The following ATF7IP variants were observed in gnomAD, a reference collection of about 807,000 sequenced individuals.
ATF7IP encodes activating transcription factor 7 interacting protein.
ATF7IP carries 23 observed loss-of-function variants against 106.4 expected under a neutral mutation model. The observed-to-expected ratio is 0.22, with a 90% CI of 0.16 to 0.31. The LOEUF (loss-of-function observed/expected upper bound fraction) is 0.31, where lower values mean the gene tolerates loss of function less well. Among genes scored for constraint, ATF7IP ranks in the 10% least tolerant of loss-of-function variants. The pLI, the probability that ATF7IP is intolerant of heterozygous loss-of-function variation, is 1.00. For synonymous variants in ATF7IP, 542 were observed against 539.0 expected, an observed-to-expected ratio of 1.01 and a Z score of -0.08; for missense variants, 1,334 against 1,524.3, an observed-to-expected ratio of 0.88 and a Z score of 2.08.
At chr12:14,379,637 A>G (rs1301142270) in intron 1 of ATF7IP, among the ~76,000 whole-genome samples, 1 of 152,176 alleles carries the variant, frequency 6.6e-6, no homozygotes, top group Non-Finnish European at 1.5e-5. Context: ...AAGACAATGC[A>G]TGTTTGAAAA....
chr12:14,490,454 A>G (rs1041298870), intron 13 of ATF7IP, among the ~76,000 whole-genome samples: 1 of 152,130 alleles, frequency 6.6e-6, no homozygotes, highest in African/African-American at 2.4e-5. Flanking sequence ...AATCTATATA[A>G]TCACACATCT....
rs770573335 is a variant in ATF7IP, at chr12:14,460,632, C to A, written c.2296C>A (p.Gln766Lys). 6.8e-6 allele frequency: 11 copies of A among 1,614,060 alleles called. No individual in the cohort carries two copies. Among genetic ancestry groups the A allele is most frequent in the Admixed American group, 3.3e-5 (2 of 60,006 alleles). The change falls in exon 9 of 15, where the codon CAG becomes AAG. Residue 766 changes from glutamine to lysine, a missense_variant. Coordinates refer to ENST00000261168, the MANE Select transcript of ATF7IP (RefSeq NM_018179.5). ...TACAGCTACTGTAGTTGCTACTACT[C>A]AGGTGCCTAGTGGAAATCCCCAGCC... is the stretch of plus-strand genomic sequence containing the variant. Reference protein sequence around the residue: ...PNTATVVATTQVPSGNPQPTI... With the variant: ...PNTATVVATTKVPSGNPQPTI...
At chr12:14,486,154 G>T (rs540795215) in intron 13 of ATF7IP, among the ~76,000 whole-genome samples, 1 of 152,228 alleles carries the variant, frequency 6.6e-6, no homozygotes, top group East Asian at 1.9e-4. Context: ...ATGACCACAG[G>T]ATGAATCCAG....
intron 10 of ATF7IP, among the ~76,000 whole-genome samples, chr12:14,467,844 A>AGAT (rs1943889111): frequency 6.6e-6 from 1 of 152,174 alleles, no homozygotes; most frequent in Admixed American, 6.5e-5. Flanking sequence ...TCTTCAGTCA[A>AGAT]AACCCCATTT....
intron 1 of ATF7IP, among the ~76,000 whole-genome samples, chr12:14,401,953 G>A (rs1055067674): frequency 5.3e-5 from 8 of 150,770 alleles, no homozygotes; most frequent in African/African-American, 1.9e-4. Flanking sequence ...ACCTCGTGAT[G>A]CGCTTGCCTC....
At chr12:14,455,271 C>A (rs149439527) in intron 6 of ATF7IP, among the ~76,000 whole-genome samples, 1 of 149,900 alleles carries the variant, frequency 6.7e-6, no homozygotes, top group African/African-American at 2.4e-5. Context: ...TTTTTGCATT[C>A]GCCTTACACA....
intron 5 of ATF7IP, among the ~76,000 whole-genome samples, chr12:14,440,386 G>A (rs1229767470): frequency 2.0e-5 from 3 of 151,954 alleles, no homozygotes; most frequent in East Asian, 3.9e-4. Context: ...ATTGTGTACC[G>A]GTAAAACCAG....
intron 8 of ATF7IP, among the ~76,000 whole-genome samples, chr12:14,459,494 G>A (rs1943558997): frequency 6.6e-6 from 1 of 152,160 alleles, no homozygotes; most frequent in African/African-American, 2.4e-5. Context: ...GCGATGTTTG[G>A]TCCCATTATA....
intron 7 of ATF7IP, among the ~76,000 whole-genome samples, 174 bp downstream of exon 7, chr12:14,456,808 A>G (rs1225740248): frequency 1.3e-5 from 2 of 152,186 alleles, no homozygotes; most frequent in Non-Finnish European, 2.9e-5. Flanking sequence ...TGTGAATAAT[A>G]CTTTTGCTAA....
At chr12:14,388,072 G>C (rs1939340369) in intron 1 of ATF7IP, among the ~76,000 whole-genome samples, 1 of 144,012 alleles carries the variant, frequency 6.9e-6, no homozygotes, top group Admixed American at 7.1e-5. Context: ...GGAGTGCGAT[G>C]ATGCTTCCTC....
chr12:14,370,015 G>A (rs986514991), intron 1 of ATF7IP, among the ~76,000 whole-genome samples: 6 of 150,828 alleles, frequency 4.0e-5, no homozygotes, highest in South Asian at 4.2e-4. Context: ...TCAGCTCACC[G>A]CAACCTCCGC....
rs1565517573 is a variant in ATF7IP, at chr12:14,444,704, A to T, written c.1930-2284A>T. On this transcript the variant is annotated intron_variant, in intron 5 of 14. Coordinates refer to ENST00000261168, the MANE Select transcript of ATF7IP (RefSeq NM_018179.5). ...ATCAGAAAACTATAAATCAGTGTCC[A>T]CATTTTGAGTTTGTTTTTCTGCTAC... is the stretch of plus-strand genomic sequence containing the variant. Among the ~76,000 whole-genome samples the T allele has an allele frequency of 3.9e-5, 6 of 152,254 alleles. No individual in the cohort carries two copies. In the South Asian group the frequency reaches 1.2e-3, roughly 32 times the overall value.
At chr12:14,395,908 G>C (rs1033698955) in intron 1 of ATF7IP, among the ~76,000 whole-genome samples, 7 of 151,786 alleles carry the variant, frequency 4.6e-5, no homozygotes, top group Admixed American at 3.3e-4. Flanking sequence ...CTTAACCTGG[G>C]TTAAAGGAAC....
chr12:14,366,211 T>G (rs1938289328), intron 1 of ATF7IP, among the ~76,000 whole-genome samples: 2 of 152,236 alleles, frequency 1.3e-5, no homozygotes, highest in Admixed American at 6.5e-5. Flanking sequence ...CTCTTCTCTG[T>G]TTTTTCGATT....
Position 14,425,511 on chromosome 12 carries a change from A to G in ATF7IP, c.1558+38A>G. On this transcript the variant is annotated intron_variant, in intron 2 of 14. Coordinates refer to ENST00000261168, the MANE Select transcript of ATF7IP (RefSeq NM_018179.5). ...CTTAAATGTTAAAGATTTTTTATTGACTTTGATGAACTGTTTAATAAAACA... is the reference window on the plus strand; with the variant it reads ...CTTAAATGTTAAAGATTTTTTATTGGCTTTGATGAACTGTTTAATAAAACA... The G allele has an allele frequency of 2.7e-6, 4 of 1,479,606 alleles. No homozygotes were observed. In the South Asian group the frequency reaches 4.4e-5, roughly 16 times the overall value. 91.7% of individuals were successfully genotyped at this position (1,479,606 alleles called of 1,614,324 possible). A position where few individuals can be genotyped will look rare whatever the true frequency, so the allele number is the denominator to read the frequency against.
At chr12:14,382,875 G>A (rs375928608) in intron 1 of ATF7IP, among the ~76,000 whole-genome samples, 91 of 152,268 alleles carry the variant, frequency 6.0e-4, no homozygotes, top group African/African-American at 1.9e-3. Context: ...CCTGGTTTGG[G>A]GATGTGCGTA....
chr12:14,416,233 A>T (rs1941200405), intron 1 of ATF7IP, among the ~76,000 whole-genome samples: 1 of 151,810 alleles, frequency 6.6e-6, no homozygotes, highest in South Asian at 2.1e-4. Flanking sequence ...GCAGAGTTGC[A>T]TTTCTAAAGA....
chr12:14,477,965 A>G (rs939505181), intron 11 of ATF7IP, among the ~76,000 whole-genome samples: 3 of 152,212 alleles, frequency 2.0e-5, no homozygotes, highest in Non-Finnish European at 4.4e-5. Flanking sequence ...TCATCAGTTT[A>G]TAGATATTTG....
chr12:14,474,492 C>G (rs1255447765), intron 10 of ATF7IP, among the ~76,000 whole-genome samples: 3 of 151,712 alleles, frequency 2.0e-5, no homozygotes, highest in African/African-American at 7.3e-5. Context: ...CGTCCGCCTC[C>G]CAGGTTCAAG....
Sources: allele counts gnomAD v4.1 joint callset (sites outside exome capture counted in the v4.1 genomes callset), GRCh38; gene constraint gnomAD v4.1.1; transcripts MANE v1.5; gene names NCBI Gene and HGNC (gene_info 2026-07-23, HGNC 2026-07-21).